Variants in ZNF334 observed in about 807,000 individuals in gnomAD.
ZNF334 encodes zinc finger protein 334.
Under a neutral mutation model 12.4 loss-of-function variants are expected in ZNF334, and 14 were observed. That is an observed-to-expected ratio of 1.13 (90% CI 0.74 to 1.76). The LOEUF is 1.76. ZNF334 is among the 40% of genes most tolerant of loss of function. The pLI is 0.00. For missense variants in ZNF334, 797 were observed against 804.5 expected (o/e 0.99, Z 0.11); for synonymous variants, 273 against 269.6 (o/e 1.01, Z -0.12).
At chr20:46,498,211 A>G (rs466012), downstream of ZNF334, among the ~76,000 whole-genome samples, 649 of 152,144 alleles carry the variant, frequency 4.3e-3, 9 homozygotes, top group African/African-American at 0.014. Flanking sequence ...AGAGGTCTCT[A>G]CCTCCTGGTA....
intron 2 of ZNF334, among the ~76,000 whole-genome samples, chr20:46,510,640 G>A (rs1176698899): frequency 6.6e-6 from 1 of 151,466 alleles, no homozygotes; most frequent in African/African-American, 2.4e-5. Context: ...GCAGGAGAAT[G>A]GTGTGAACCT....
At chr20:46,509,969 G>C (rs2061583427) in intron 2 of ZNF334, among the ~76,000 whole-genome samples, 1 of 152,200 alleles carries the variant, frequency 6.6e-6, no homozygotes, top group Non-Finnish European at 1.5e-5. Context: ...CATGAGGACA[G>C]AGACAGTATC....
the ZNF334 span, among the ~76,000 whole-genome samples, chr20:46,469,074 A>C: frequency 1.3e-5 from 2 of 152,322 alleles, no homozygotes; most frequent in Non-Finnish European, 2.9e-5. Context: ...ACTTATTGCT[A>C]ATATTTTACT....
At chr20:46,504,783 T>C in intron 2 of ZNF334, 43 bp from the exon 3 acceptor site, 1 of 1,549,078 alleles carries the variant, frequency 6.5e-7, no homozygotes, top group Non-Finnish European at 8.8e-7. Context: ...AATTGAGTGA[T>C]ATCAAATGTA....
downstream of ZNF334, among the ~76,000 whole-genome samples, chr20:46,497,195 C>A (rs1488909542): frequency 6.6e-5 from 10 of 152,190 alleles, no homozygotes. Flanking sequence ...CAAGAGACCT[C>A]AGCTGATGCA....
In ZNF334 at chr20:46,504,222, T is replaced by C; in HGVS notation, c.233A>G (p.Asn78Ser). 6.2e-7 allele frequency: 1 copy of C among 1,610,540 alleles called. No homozygotes were observed. ...AGTTATCATTTACTTACCTGGGTAG[T>C]TCTGATTTGAGAATTCCTCCACTAT... Reference protein sequence around the residue: ...PWIVEEFSNQNYPDIDDALEK... With the variant: ...PWIVEEFSNQSYPDIDDALEK... Residue 78 changes from asparagine to serine, a missense_variant, in exon 4 of 5, where the codon AAC (asparagine) becomes AGC (serine). Transcript: ENST00000692313.
the ZNF334 span, among the ~76,000 whole-genome samples, chr20:46,468,229 T>C: frequency 3.3e-5 from 5 of 151,762 alleles, no homozygotes; most frequent in African/African-American, 1.2e-4. Flanking sequence ...ATAGGTGGTG[T>C]GTCCAGAGTA....
In ZNF334 at chr20:46,502,449, T is replaced by G. The variant is rs1199241537; in HGVS notation, c.890A>C (p.Glu297Ala). The change falls in exon 5 of 5, where the codon GAA becomes GCA. Residue 297 changes from glutamate (E) to alanine (A), a missense_variant. By Grantham distance (107) the Glu-to-Ala change is moderately radical. Transcript: ENST00000692313. ...HTGERPYECS[E>A]CRKTFIDKSA... ...TTTGTCAATGAAGGTTTTCCTGCAT[T>G]CACTGCATTCATAGGGTCTCTCTCC... The G allele has an allele frequency of 8.1e-6, 13 of 1,613,976 alleles. No individual in the cohort carries two copies. Among genetic ancestry groups the G allele is most frequent in the Non-Finnish European group, 1.1e-5 (13 of 1,179,984 alleles).
intron 2 of ZNF334, among the ~76,000 whole-genome samples, chr20:46,507,154 G>A (rs1298049251): frequency 6.6e-6 from 1 of 150,958 alleles, no homozygotes; most frequent in Non-Finnish European, 1.5e-5. Context: ...AAGTAAAAAG[G>A]AAAGAAAGAA....
the ZNF334 span, among the ~76,000 whole-genome samples, chr20:46,472,738 G>A: frequency 6.6e-6 from 1 of 152,192 alleles, no homozygotes; most frequent in African/African-American, 2.4e-5. Context: ...GGGTCATGTG[G>A]GGGCCACCAG....
At chr20:46,505,582 G>A (rs1018212190) in intron 2 of ZNF334, 3 of 153,772 alleles carry the variant, frequency 2.0e-5, no homozygotes, top group African/African-American at 7.2e-5. Flanking sequence ...AAGGACTGGA[G>A]ATTTGTGACC....
chr20:46,501,243 T>C lies in ZNF334; in HGVS notation c.*53A>G. 1.3e-6 allele frequency: 2 copies of C among 1,564,380 alleles called. No individual in the cohort carries two copies. The highest frequency in any genetic ancestry group is 1.7e-6 in the Non-Finnish European group (2 of 1,157,298). On this transcript the variant is annotated 3_prime_UTR_variant, in exon 5 of 5. Transcript: ENST00000692313. ...TCTATACATACTCACAGTTTAGCAT[T>C]GTGTAAGTTATTTGATTTGTTGCTT... is the stretch of plus-strand genomic sequence containing the variant.
chr20:46,502,927 G>A lies in ZNF334; in HGVS notation c.412C>T (p.Pro138Ser). ...TTAGTTTTCAAACTGTTTCCTCCTG[G>A]ATTACATTTATAGGGCATTTTTCTT... ...PSRKMPYKCNPGGNSLKTNSE... is the reference protein window; with the variant it reads ...PSRKMPYKCNSGGNSLKTNSE... Residue 138 changes from proline to serine, a missense_variant, in exon 5 of 5, where the codon CCA becomes TCA. Pro to Ser is a moderately conservative substitution (Grantham distance 74). Transcript: ENST00000692313. 2 of 1,613,856 alleles carry A rather than the reference G, an allele frequency of 1.2e-6. No homozygotes were observed. Among genetic ancestry groups the A allele is most frequent in the Non-Finnish European group, 1.7e-6 (2 of 1,179,956 alleles).
downstream of ZNF334, among the ~76,000 whole-genome samples, chr20:46,495,134 A>G (rs934732703): frequency 6.6e-6 from 1 of 152,194 alleles, no homozygotes; most frequent in Admixed American, 6.5e-5. Flanking sequence ...GGCTCAAAAT[A>G]TCATCTGCAC....
the ZNF334 span, among the ~76,000 whole-genome samples, chr20:46,468,279 A>T: frequency 4.2e-5 from 6 of 144,410 alleles, no homozygotes; most frequent in Non-Finnish European, 7.6e-5. Context: ...TTACACCCAC[A>T]TTTTTTTTTT....
Position 46,502,501 on chromosome 20 carries a change from G to T in ZNF334, c.838C>A (p.Leu280Ile). ...CRKTFRVKTS[L>I]TRHRRIHTGE... ...GTATGAATTCTTCGGTGTCGAGTGA[G>T]GCTTGTCTTCACACGAAAAGTTTTC... Residue 280 changes from leucine to isoleucine, a missense_variant, in exon 5 of 5, where the codon CTC becomes ATC. Coordinates refer to ENST00000692313, the MANE Select transcript of ZNF334 (RefSeq NM_001353824.2). The T allele has an allele frequency of 6.2e-7, 1 of 1,613,422 alleles. No individual in the cohort carries two copies. Among genetic ancestry groups the T allele is most frequent in the South Asian group, 1.1e-5 (1 of 91,028 alleles).
the ZNF334 span, among the ~76,000 whole-genome samples, chr20:46,467,276 C>A: frequency 2.0e-5 from 3 of 151,854 alleles, no homozygotes; most frequent in African/African-American, 4.8e-5. Flanking sequence ...ACTTTCCACA[C>A]AAAAATAAGG....
chr20:46,469,869 G>T, the ZNF334 span, among the ~76,000 whole-genome samples: 1 of 152,034 alleles, frequency 6.6e-6, no homozygotes, highest in Non-Finnish European at 1.5e-5. Flanking sequence ...TAAGCAAACT[G>T]ATGGGGGACC....
Position 46,509,568 on chromosome 20 carries a change from ACAG to A in ZNF334, c.21+2511_21+2513del, listed in dbSNP as rs1441508351. 1.0e-5 allele frequency: 7 copies of A among 703,088 alleles called. No homozygotes were observed. The Admixed American group carries it at 1.4e-4, about 14-fold the overall frequency. 43.6% of individuals were successfully genotyped at this position (703,088 alleles called of 1,614,324 possible). On this transcript the variant is annotated intron_variant, in intron 2 of 4. Transcript: ENST00000692313. ...GGAGAAACTAACCTTGAAATAGTGC[ACAG>A]AATAGAGAAAGGATGGGGAATTCAT...
Sources: gnomAD v4.1 joint callset for allele counts (sites outside exome capture counted in the v4.1 genomes callset) on GRCh38, gnomAD v4.1.1 for gene constraint, MANE v1.5 for transcripts, NCBI Gene and HGNC (gene_info 2026-07-23, HGNC 2026-07-21) for gene names.